Variants in GNG12 observed in about 807,000 individuals in gnomAD.
GNG12 encodes G protein subunit gamma 12.
For missense variants in GNG12, 69 were observed against 83.8 expected (o/e 0.82, Z 0.69); for synonymous variants, 28 against 29.7 (o/e 0.94, Z 0.19).
chr1:67,704,644 C>T lies in GNG12; in HGVS notation c.*807G>A, dbSNP rs548592891. The T allele has an allele frequency of 6.5e-6, 1 of 152,772 alleles. No individual in the cohort carries two copies. The highest frequency in any genetic ancestry group is 1.5e-5 in the Non-Finnish European group (1 of 68,044). 9.5% of individuals were successfully genotyped at this position (152,772 alleles called of 1,614,324 possible). ...CTGGAGTCCTCCCAAGGGTCTCCTC[C>T]CCTTTTCCAGACTCAGCATCATTGA... is the stretch of plus-strand genomic sequence containing the variant. On this transcript the variant is annotated 3_prime_UTR_variant, in exon 4 of 4. Coordinates refer to ENST00000370982, the MANE Select transcript of GNG12 (RefSeq NM_018841.6).
At chr1:67,741,418 A>T (rs1646482273) in intron 2 of GNG12, among the ~76,000 whole-genome samples, 1 of 152,192 alleles carries the variant, frequency 6.6e-6, no homozygotes, top group Non-Finnish European at 1.5e-5. Flanking sequence ...CCCTGGAAGA[A>T]AGTTCACCAT....
At chr1:67,766,140 ACACACACACC>A (rs1176080198) in intron 2 of GNG12, among the ~76,000 whole-genome samples, 1 of 114,992 alleles carries the variant, frequency 8.7e-6, no homozygotes, top group Admixed American at 9.0e-5. Flanking sequence ...ACACACACAC[ACACACACACC>A]CCTAAACAAT....
intron 2 of GNG12, among the ~76,000 whole-genome samples, chr1:67,710,859 C>T (rs1646291263): frequency 6.6e-6 from 1 of 152,130 alleles, no homozygotes; most frequent in Non-Finnish European, 1.5e-5. Flanking sequence ...AAAGTCCATG[C>T]AACACATTTT....
intron 2 of GNG12, among the ~76,000 whole-genome samples, chr1:67,775,066 T>C (rs1378234799): frequency 6.6e-6 from 1 of 152,230 alleles, no homozygotes; most frequent in Non-Finnish European, 1.5e-5. Context: ...CACTGTCTAT[T>C]CCTTTTACCT....
chr1:67,760,367 G>A (rs1199641168), intron 2 of GNG12, among the ~76,000 whole-genome samples: 1 of 152,174 alleles, frequency 6.6e-6, no homozygotes, highest in Non-Finnish European at 1.5e-5. Context: ...TGGTAGGTTG[G>A]TAGGTCAATC....
intron 1 of GNG12, among the ~76,000 whole-genome samples, chr1:67,787,756 G>A (rs1023588590): frequency 6.6e-6 from 1 of 152,206 alleles, no homozygotes; most frequent in African/African-American, 2.4e-5. Context: ...ACAACCCTAA[G>A]AGGACGGCAG....
chr1:67,705,322 C>A lies in GNG12; in HGVS notation c.*129G>T. Reference sequence around the variant, plus strand: ...CTTGGAAAATAGAGACTTCAGAGTCCATTATTCCAAGCTGAGAACATTTTA... The same window carrying A: ...CTTGGAAAATAGAGACTTCAGAGTCAATTATTCCAAGCTGAGAACATTTTA... On this transcript the variant is annotated 3_prime_UTR_variant, in exon 4 of 4. Coordinates refer to ENST00000370982, the MANE Select transcript of GNG12 (RefSeq NM_018841.6). 2 of 1,406,550 alleles carry A rather than the reference C, an allele frequency of 1.4e-6. No individual in the cohort carries two copies. Among genetic ancestry groups the A allele is most frequent in the South Asian group, 1.5e-5 (1 of 66,106 alleles). The allele number at this position is 1,406,550 out of a possible 1,614,324, so 87.1% of individuals were successfully genotyped here. A position where few individuals can be genotyped will look rare whatever the true frequency, so the allele number is the denominator to read the frequency against.
chr1:67,764,530 T>C lies in GNG12; in HGVS notation c.-27+12928A>G, dbSNP rs1646624706. ...AAATGCTCTGAAATTAGAGGGAACT[T>C]AGATACCATCCTGATGTTGCTCAGC... On this transcript the variant is annotated intron_variant, in intron 2 of 3. Coordinates refer to ENST00000370982, the MANE Select transcript of GNG12 (RefSeq NM_018841.6). Among the ~76,000 whole-genome samples the C allele has an allele frequency of 2.0e-5, 3 of 152,168 alleles. No individual in the cohort carries two copies. In the South Asian group the frequency reaches 6.2e-4, roughly 32 times the overall value.
chr1:67,766,036 A>G (rs1192089896), intron 2 of GNG12, among the ~76,000 whole-genome samples: 8 of 152,090 alleles, frequency 5.3e-5, no homozygotes, highest in Middle Eastern at 3.4e-3. Context: ...CTTTATAGCT[A>G]TAAGAGTATT....
chr1:67,779,661 A>G (rs1231935359), intron 1 of GNG12, among the ~76,000 whole-genome samples: 1 of 152,144 alleles, frequency 6.6e-6, no homozygotes, highest in African/African-American at 2.4e-5. Flanking sequence ...CTCAGCAACA[A>G]CTTCTCTGCA....
intron 1 of GNG12, among the ~76,000 whole-genome samples, chr1:67,833,076 C>A (rs1176246840): frequency 6.6e-6 from 1 of 151,594 alleles, no homozygotes; most frequent in Non-Finnish European, 1.5e-5. Flanking sequence ...CGAGGGCGCG[C>A]GCGCCGTTTC....
chr1:67,745,609 T>C (rs1157033863), intron 2 of GNG12, among the ~76,000 whole-genome samples: 3 of 152,190 alleles, frequency 2.0e-5, no homozygotes, highest in Non-Finnish European at 4.4e-5. Flanking sequence ...CGTCCCCTTA[T>C]TTCACAGGGT....
chr1:67,809,640 C>T (rs1488537272), intron 1 of GNG12, among the ~76,000 whole-genome samples: 1 of 151,824 alleles, frequency 6.6e-6, no homozygotes, highest in Admixed American at 6.6e-5. Context: ...TATACCTCAC[C>T]AAAGAAAACA....
At chr1:67,792,291 A>G (rs563284181) in intron 1 of GNG12, among the ~76,000 whole-genome samples, 1 of 151,130 alleles carries the variant, frequency 6.6e-6, no homozygotes, top group East Asian at 1.9e-4. Flanking sequence ...GGCATTCAAG[A>G]AAAAATACAC....
At chr1:67,735,584 G>A (rs940764870) in intron 2 of GNG12, among the ~76,000 whole-genome samples, 9 of 152,304 alleles carry the variant, frequency 5.9e-5, no homozygotes, top group Admixed American at 5.2e-4. Context: ...TATGTAAAGT[G>A]CTTAAAATTG....
chr1:67,783,888 C>G (rs1270364464), intron 1 of GNG12, among the ~76,000 whole-genome samples: 1 of 148,462 alleles, frequency 6.7e-6, no homozygotes, highest in Non-Finnish European at 1.5e-5. Context: ...CTAGTTCAAC[C>G]ATTGTGGAAG....
chr1:67,798,285 T>C (rs574165360), intron 1 of GNG12, among the ~76,000 whole-genome samples: 5 of 152,130 alleles, frequency 3.3e-5, no homozygotes, highest in Non-Finnish European at 5.9e-5. Flanking sequence ...GAACTGTGCA[T>C]GCGCAGAATC....
chr1:67,714,020 C>T (rs1306479085), intron 2 of GNG12, among the ~76,000 whole-genome samples: 1 of 152,176 alleles, frequency 6.6e-6, no homozygotes, highest in Non-Finnish European at 1.5e-5. Flanking sequence ...TTTTCATGAG[C>T]AGTTCTTATT....
At chr1:67,831,127 G>A (rs1647041953) in intron 1 of GNG12, among the ~76,000 whole-genome samples, 1 of 152,096 alleles carries the variant, frequency 6.6e-6, no homozygotes, top group Non-Finnish European at 1.5e-5. Context: ...CCAAGTTAGG[G>A]CTCAGAAAAA....
Sources: gnomAD v4.1 joint callset for allele counts (sites outside exome capture counted in the v4.1 genomes callset) on GRCh38, gnomAD v4.1.1 for gene constraint, MANE v1.5 for transcripts, NCBI Gene and HGNC (gene_info 2026-07-23, HGNC 2026-07-21) for gene names.